The following ARPP19 variants were observed in gnomAD, a reference collection of about 807,000 sequenced individuals.
ARPP19 encodes the protein cAMP-regulated phosphoprotein 19.
Under a neutral mutation model 12.0 loss-of-function variants are expected in ARPP19, and 8 were observed. That is an observed-to-expected ratio of 0.67 (90% CI 0.39 to 1.21). ARPP19 has a LOEUF of 1.21. Among genes scored for constraint, ARPP19 ranks in the 50% most tolerant of loss-of-function variants. The pLI is 0.01. For synonymous variants in ARPP19, 47 were observed against 50.4 expected (o/e 0.93, Z 0.29); for missense variants, 102 against 136.3 (o/e 0.75, Z 1.25).
intron 1 of ARPP19, among the ~76,000 whole-genome samples, chr15:52,565,687 C>T (rs2078074963): frequency 6.6e-6 from 1 of 152,146 alleles, no homozygotes; most frequent in Non-Finnish European, 1.5e-5. Context: ...GGAACTGAGC[C>T]ACCACATGGC....
chr15:52,559,757 C>T (rs2078014993), intron 1 of ARPP19, among the ~76,000 whole-genome samples: 1 of 152,176 alleles, frequency 6.6e-6, no homozygotes, highest in South Asian at 2.1e-4. Context: ...GCCCTCACTG[C>T]AGATATCTAC....
chr15:52,560,183 CT>C (rs889777321), intron 1 of ARPP19, among the ~76,000 whole-genome samples: 17 of 147,828 alleles, frequency 1.1e-4, no homozygotes, highest in Non-Finnish European at 7.5e-5. Flanking sequence ...TTTTCTTTTT[CT>C]TTTTTTTTTG....
intron 2 of ARPP19, among the ~76,000 whole-genome samples, chr15:52,554,265 A>G (rs137893534): frequency 6.6e-6 from 1 of 151,842 alleles, no homozygotes; most frequent in East Asian, 1.9e-4. Context: ...ACTGTAGATT[A>G]GGCTACTCTG....
Position 52,549,269 on chromosome 15 carries a change from G to A in ARPP19, c.*2665C>T, listed in dbSNP as rs889310046. ...TGTAACTTTGAAATTGTAAGAAATG[G>A]ACAATTAAGCTCACTAGTCAAAATC... On this transcript the variant is annotated 3_prime_UTR_variant, in exon 3 of 3. Coordinates refer to ENST00000249822, the MANE Select transcript of ARPP19 (RefSeq NM_006628.6). 2 of 151,888 alleles carry A rather than the reference G, an allele frequency of 1.3e-5. No individual in the cohort carries two copies. The highest frequency in any genetic ancestry group is 2.4e-5 in the African/African-American group (1 of 41,296). 9.4% of individuals were successfully genotyped at this position (151,888 alleles called of 1,614,324 possible). A position where few individuals can be genotyped will look rare whatever the true frequency, so the allele number is the denominator to read the frequency against.
At chr15:52,567,522 A>T (rs894450384) in intron 1 of ARPP19, among the ~76,000 whole-genome samples, 1 of 152,192 alleles carries the variant, frequency 6.6e-6, no homozygotes, top group African/African-American at 2.4e-5. Context: ...ATTTCAAGCA[A>T]TAATGAACAC....
chr15:52,563,934 A>C (rs925467551), intron 1 of ARPP19, among the ~76,000 whole-genome samples: 3 of 152,214 alleles, frequency 2.0e-5, no homozygotes, highest in African/African-American at 7.2e-5. Context: ...ATGTTCAATA[A>C]AAGTTCATTC....
chr15:52,555,150 T>G (rs1422483098), intron 2 of ARPP19, among the ~76,000 whole-genome samples: 1 of 152,092 alleles, frequency 6.6e-6, no homozygotes, highest in Non-Finnish European at 1.5e-5. Flanking sequence ...TCTATCTACT[T>G]ATTTCTTGAT....
In ARPP19 at chr15:52,568,828, C is replaced by T. The variant is rs769189000; in HGVS notation, c.45+20G>A. The T allele has an allele frequency of 3.8e-6, 6 of 1,563,268 alleles. No homozygotes were observed. Among genetic ancestry groups the T allele is most frequent in the Admixed American group, 3.8e-5 (2 of 52,594 alleles). On this transcript the variant is annotated intron_variant, in intron 1 of 2. Coordinates refer to ENST00000249822, the MANE Select transcript of ARPP19 (RefSeq NM_006628.6). ...ACCCGGCCTTGGGCAGGGCCCAGGG[C>T]TCACGCCCCGCGCGCTCACCTTCTG...
chr15:52,562,830 G>T (rs1008799939), intron 1 of ARPP19, among the ~76,000 whole-genome samples: 1 of 150,960 alleles, frequency 6.6e-6, no homozygotes, highest in African/African-American at 2.4e-5. Flanking sequence ...AATAGAAAGG[G>T]CCAACAAAGG....
At chr15:52,565,420 C>T (rs563898612) in intron 1 of ARPP19, among the ~76,000 whole-genome samples, 6 of 152,336 alleles carry the variant, frequency 3.9e-5, no homozygotes, top group South Asian at 4.1e-4. Flanking sequence ...GAGATCTGTA[C>T]TCAAAACTTT....
rs2077888186 is a variant in ARPP19 at position 52,547,477 on chromosome 15, G to GT, written c.*4456dup. On this transcript the variant is annotated 3_prime_UTR_variant, in exon 3 of 3. Transcript: ENST00000249822. Reference sequence around the variant, plus strand: ...GATCCAAGGGCATAATATTAAATATGTTTTTTTCCAACTGCGATTTAGTTG... The same window carrying GT: ...GATCCAAGGGCATAATATTAAATATGTTTTTTTTCCAACTGCGATTTAGTTG... The GT allele has an allele frequency of 6.6e-6, 1 of 152,126 alleles. No homozygotes were observed. Among genetic ancestry groups the GT allele is most frequent in the African/African-American group, 2.4e-5 (1 of 41,426 alleles). The allele number at this position is 152,126 out of a possible 1,614,324, so 9.4% of individuals were successfully genotyped here.
At chr15:52,558,781 C>T (rs874815) in intron 1 of ARPP19, among the ~76,000 whole-genome samples, 5,782 of 145,618 alleles carry the variant, frequency 0.04, 187 homozygotes, top group Non-Finnish European at 0.058. Flanking sequence ...TATATTCATA[C>T]ATTAAAAAAA....
chr15:52,568,967 G>C lies in ARPP19; in HGVS notation c.-75C>G, dbSNP rs2078115485. On this transcript the variant is annotated 5_prime_UTR_variant, in exon 1 of 3. Coordinates refer to ENST00000249822, the MANE Select transcript of ARPP19 (RefSeq NM_006628.6). ...GGCCGAGGCCACCCGGCCGCCGCCCGTCCCAGCTCTCCCAGGGCCCGCCGG... is the reference window on the plus strand; with the variant it reads ...GGCCGAGGCCACCCGGCCGCCGCCCCTCCCAGCTCTCCCAGGGCCCGCCGG... 4 of 1,125,506 alleles carry C rather than the reference G, an allele frequency of 3.6e-6. No homozygotes were observed. The highest frequency in any genetic ancestry group is 5.1e-6 in the Non-Finnish European group (4 of 788,574). The allele number at this position is 1,125,506 out of a possible 1,614,324, so 69.7% of individuals were successfully genotyped here.
chr15:52,564,103 A>T, intron 1 of ARPP19: 1 of 940,760 alleles, frequency 1.1e-6, no homozygotes, highest in Middle Eastern at 2.1e-4. Flanking sequence ...GTCTTGCACA[A>T]ACAAAAGAAG....
In ARPP19 at chr15:52,559,975, T is replaced by C. The variant is rs550999563; in HGVS notation, c.46-2753A>G. Reference sequence around the variant, plus strand: ...AATAAAAATTCAGCTTTCTTGAGCCTAGGAAGTGAGAGCTCTCCACTTCTT... The same window carrying C: ...AATAAAAATTCAGCTTTCTTGAGCCCAGGAAGTGAGAGCTCTCCACTTCTT... On this transcript the variant is annotated intron_variant, in intron 1 of 2. Coordinates refer to ENST00000249822, the MANE Select transcript of ARPP19 (RefSeq NM_006628.6). 3.7e-4 allele frequency among the ~76,000 whole-genome samples: 57 copies of C among 152,328 alleles called. 3 individuals are homozygous for C. The South Asian group carries it at 0.012, about 31-fold the overall frequency.
intron 2 of ARPP19, among the ~76,000 whole-genome samples, chr15:52,552,563 G>T (rs2077943971): frequency 7.4e-6 from 1 of 135,890 alleles, no homozygotes; most frequent in Admixed American, 7.8e-5. Context: ...ACTCCAGCCT[G>T]GGCAACAGAG....
intron 1 of ARPP19, among the ~76,000 whole-genome samples, chr15:52,560,789 G>A (rs2078024982): frequency 6.6e-6 from 1 of 152,234 alleles, no homozygotes; most frequent in African/African-American, 2.4e-5. Flanking sequence ...AATCCATTCT[G>A]CTCCTGGTGA....
rs1474588830 is a variant in ARPP19 at position 52,548,225 on chromosome 15, G to C, written c.*3709C>G. ...AAGCCGGCCGGGCATGGTGGCACAT[G>C]CCTATAATCCCAGCACTTTGGGAGG... On this transcript the variant is annotated 3_prime_UTR_variant, in exon 3 of 3. Transcript: ENST00000249822. The C allele has an allele frequency of 1.3e-5, 2 of 152,208 alleles. No individual in the cohort carries two copies. The highest frequency in any genetic ancestry group is 2.4e-5 in the African/African-American group (1 of 41,458). 9.4% of individuals were successfully genotyped at this position (152,208 alleles called of 1,614,324 possible). A position where few individuals can be genotyped will look rare whatever the true frequency, so the allele number is the denominator to read the frequency against.
intron 1 of ARPP19, among the ~76,000 whole-genome samples, chr15:52,564,524 A>G (rs1412127849): frequency 5.3e-5 from 8 of 152,222 alleles, no homozygotes; most frequent in Non-Finnish European, 1.2e-4. Context: ...GCATGGGAAA[A>G]CAATTTATAT....
Sources: allele counts gnomAD v4.1 joint callset (sites outside exome capture counted in the v4.1 genomes callset), GRCh38; gene constraint gnomAD v4.1.1; transcripts MANE v1.5; gene names NCBI Gene and HGNC (gene_info 2026-07-23, HGNC 2026-07-21).